Variants in NAALADL2 observed in about 807,000 individuals in gnomAD.
NAALADL2 encodes the protein N-acetylated alpha-linked acidic dipeptidase like 2, also known as inactive N-acetylated-alpha-linked acidic dipeptidase-like protein 2.
In NAALADL2, 76 loss-of-function variants were observed where a neutral mutation model predicts 87.2. The ratio of observed to expected loss-of-function variants is 0.87; its 90% confidence interval spans 0.72 to 1.05. NAALADL2 has a LOEUF of 1.05. Ranked by LOEUF, NAALADL2 falls within the 50% of genes least tolerant of loss-of-function variation. The probability of loss-of-function intolerance (pLI) is 0.00; values close to 1 mark genes in which losing one functional copy is unlikely to be tolerated. For missense variants in NAALADL2, 1,089 were observed against 945.8 expected (o/e 1.15, Z -1.99); for synonymous variants, 354 against 331.0 (o/e 1.07, Z -0.75).
At chr3:175,542,847 G>T (rs1266041176) in intron 9 of NAALADL2, among the ~76,000 whole-genome samples, 38 of 152,164 alleles carry the variant, frequency 2.5e-4, no homozygotes, top group Admixed American at 2.0e-3. Flanking sequence ...TGACCTTGAA[G>T]TGCCTTCAAA....
intron 2 of NAALADL2, among the ~76,000 whole-genome samples, chr3:175,193,184 A>G (rs28470629): frequency 0.022 from 3,329 of 152,016 alleles, 109 homozygotes; most frequent in African/African-American, 0.075. Flanking sequence ...GAAGCCCTAC[A>G]TAGATTCCAG....
chr3:175,488,242 A>G (rs770024255), intron 9 of NAALADL2, among the ~76,000 whole-genome samples: 9 of 152,234 alleles, frequency 5.9e-5, no homozygotes, highest in Non-Finnish European at 8.8e-5. Flanking sequence ...GGGCACACAT[A>G]ATATGAGTTA....
At chr3:175,338,647 AC>A in intron 5 of NAALADL2, among the ~76,000 whole-genome samples, 1 of 148,970 alleles carries the variant, frequency 6.7e-6, no homozygotes, top group Admixed American at 6.8e-5. Context: ...ACACACACAC[AC>A]ACACACACAC....
At chr3:175,756,630 A>G (rs189746643) in intron 13 of NAALADL2, among the ~76,000 whole-genome samples, 7 of 152,242 alleles carry the variant, frequency 4.6e-5, no homozygotes, top group Admixed American at 3.3e-4. Context: ...ATAGATACAC[A>G]TGGACATACA....
intron 1 of NAALADL2, among the ~76,000 whole-genome samples, chr3:174,953,358 C>G (rs987424276): frequency 8.0e-6 from 1 of 124,698 alleles, no homozygotes; most frequent in Non-Finnish European, 1.6e-5. Flanking sequence ...CCTCTTTCCC[C>G]TTCCTTCCAG....
chr3:175,442,125 A>T (rs1719879954), intron 5 of NAALADL2, among the ~76,000 whole-genome samples: 1 of 151,914 alleles, frequency 6.6e-6, no homozygotes, highest in African/African-American at 2.4e-5. Context: ...TTGTAATTTC[A>T]GTAGAGATGG....
At chr3:175,267,253 C>T (rs1482137969) in intron 4 of NAALADL2, among the ~76,000 whole-genome samples, 6 of 152,044 alleles carry the variant, frequency 3.9e-5, no homozygotes, top group Admixed American at 6.6e-5. Context: ...TCACTAAATA[C>T]GTAGGATTTT....
chr3:174,442,305 C>T (rs950450254), intron 1 of NAALADL2, among the ~76,000 whole-genome samples: 3 of 152,236 alleles, frequency 2.0e-5, no homozygotes, highest in African/African-American at 7.2e-5. Context: ...GTACGATTTT[C>T]ACCATTTTTT....
chr3:174,641,047 G>A (rs981811768), intron 2 of NAALADL2, among the ~76,000 whole-genome samples: 2 of 152,190 alleles, frequency 1.3e-5, no homozygotes, highest in Non-Finnish European at 1.5e-5. Context: ...GGGCTGGTGG[G>A]GCCAGAGCAG....
chr3:175,576,030 A>C lies in NAALADL2; in HGVS notation c.1654-11A>C. The C allele has an allele frequency of 6.2e-7, 1 of 1,608,218 alleles. No homozygotes were observed. Among genetic ancestry groups the C allele is most frequent in the East Asian group, 2.2e-5 (1 of 44,808 alleles). On this transcript the variant is annotated splice_polypyrimidine_tract_variant and intron_variant, in intron 9 of 13. Transcript: ENST00000454872. ...ATAGTATGTGTTAACAATTTAAATT[A>C]TGTTTTTCAGAAAAATAATTTCAAC...
intron 1 of NAALADL2, among the ~76,000 whole-genome samples, chr3:174,930,271 A>G (rs1210913992): frequency 7.2e-5 from 11 of 152,094 alleles, no homozygotes; most frequent in Middle Eastern, 3.2e-3. Flanking sequence ...TATTTTTTAT[A>G]TATATTATTC....
chr3:174,819,808 A>G (rs1425637112), intron 3 of NAALADL2, among the ~76,000 whole-genome samples: 2 of 152,216 alleles, frequency 1.3e-5, no homozygotes, highest in Admixed American at 6.5e-5. Context: ...AAATTAATAA[A>G]GCTTACGCTT....
At chr3:175,659,998 T>C (rs1014634398) in intron 11 of NAALADL2, among the ~76,000 whole-genome samples, 8 of 152,212 alleles carry the variant, frequency 5.3e-5, no homozygotes, top group Admixed American at 5.2e-4. Context: ...AAGTCCAAGA[T>C]TAAGGCATCA....
rs544496829 is a variant in NAALADL2 at position 174,616,997 on chromosome 3, C to A, written c.-115+66360C>A. ...TAGTAAGCATAGTTGGTCTTAATAC[C>A]AAGGTTAAGGAAGTGACTAAAATAA... On this transcript the variant is annotated intron_variant, in intron 2 of 3. Transcript: ENST00000434257. Among the ~76,000 whole-genome samples the A allele has an allele frequency of 5.9e-5, 9 of 151,560 alleles. No homozygotes were observed. In the East Asian group the frequency reaches 1.7e-3, roughly 29 times the overall value.
In NAALADL2 at chr3:175,159,195, A is replaced by G. The variant is rs541924501; in HGVS notation, c.545+61904A>G. 1.4e-4 allele frequency among the ~76,000 whole-genome samples: 22 copies of G among 152,334 alleles called. No individual in the cohort carries two copies. In the South Asian group the frequency reaches 4.3e-3, roughly 30 times the overall value. On this transcript the variant is annotated intron_variant, in intron 2 of 13. Coordinates refer to ENST00000454872, the MANE Select transcript of NAALADL2 (RefSeq NM_207015.3). ...TTTATTTTCAGACAGGCAATTAGCTACAAGTGCAATGAAAAAATCAGCCAA... is the reference window on the plus strand; with the variant it reads ...TTTATTTTCAGACAGGCAATTAGCTGCAAGTGCAATGAAAAAATCAGCCAA...
At chr3:175,437,282 C>G (rs1227315460) in intron 5 of NAALADL2, among the ~76,000 whole-genome samples, 1 of 145,486 alleles carries the variant, frequency 6.9e-6, no homozygotes, top group Non-Finnish European at 1.5e-5. Flanking sequence ...GTACAAAAAT[C>G]ACAAGCATTC....
chr3:175,165,502 C>G (rs1049837845), intron 2 of NAALADL2, among the ~76,000 whole-genome samples: 1 of 152,038 alleles, frequency 6.6e-6, no homozygotes, highest in Non-Finnish European at 1.5e-5. Context: ...TTAATAAAAT[C>G]ATGGACTTAC....
chr3:175,092,623 T>G lies in NAALADL2; in HGVS notation c.44-4167T>G, dbSNP rs551869591. ...TTAAGCCAGTATTTGTGAAATAGCA[T>G]TCAGAAGAATCAGTTTATTTTAAAC... On this transcript the variant is annotated intron_variant, in intron 1 of 13. Coordinates refer to ENST00000454872, the MANE Select transcript of NAALADL2 (RefSeq NM_207015.3). Among the ~76,000 whole-genome samples, 1,311 of 152,022 alleles carry G rather than the reference T, an allele frequency of 8.6e-3. 28 individuals carry two copies. The highest frequency in any genetic ancestry group is 0.031 in the African/African-American group (1,269 of 41,538).
At chr3:175,201,491 A>G (rs1274789537) in intron 2 of NAALADL2, among the ~76,000 whole-genome samples, 1 of 152,164 alleles carries the variant, frequency 6.6e-6, no homozygotes, top group East Asian at 1.9e-4. Flanking sequence ...CATGAGCCCC[A>G]TGGAATAATT....
Sources: allele counts gnomAD v4.1 joint callset (sites outside exome capture counted in the v4.1 genomes callset), GRCh38; gene constraint gnomAD v4.1.1; transcripts MANE v1.5; gene names NCBI Gene and HGNC (gene_info 2026-07-23, HGNC 2026-07-21).